Variants in BEGAIN observed in about 807,000 individuals in gnomAD.
The protein encoded by BEGAIN is brain enriched guanylate kinase associated.
In BEGAIN, 19 loss-of-function variants were observed where a neutral mutation model predicts 35.8. The observed-to-expected ratio is 0.53, with a 90% confidence interval of 0.37 to 0.78. The LOEUF (loss-of-function observed/expected upper bound fraction) is 0.78, where lower values mean the gene tolerates loss of function less well. Ranked by LOEUF, BEGAIN falls within the 30% of genes least tolerant of loss-of-function variation. The pLI is 0.00. For missense variants in BEGAIN, 795 were observed against 853.6 expected, an observed-to-expected ratio of 0.93 and a Z score of 0.85; for synonymous variants, 462 against 388.6, an observed-to-expected ratio of 1.19 and a Z score of -2.22.
In BEGAIN at chr14:100,550,848, G is replaced by A. The variant is rs1033406714; in HGVS notation, c.72-4186C>T. On this transcript the variant is annotated intron_variant, in intron 2 of 6. Coordinates refer to ENST00000554140, the MANE Select transcript of BEGAIN (RefSeq NM_001385089.1). ...TGAGCATCCTGTCCCATCACTGGGC[G>A]GGGGGCGCAGCAGCAGCCCCTGAAG... 1.9e-4 allele frequency among the ~76,000 whole-genome samples: 29 copies of A among 152,274 alleles called. 1 individual carries two copies. Among genetic ancestry groups the A allele is most frequent in the Non-Finnish European group, 2.8e-4 (19 of 68,018 alleles).
chr14:100,552,184 A>T (rs1318782926), intron 2 of BEGAIN, among the ~76,000 whole-genome samples: 2 of 152,226 alleles, frequency 1.3e-5, no homozygotes, highest in Non-Finnish European at 2.9e-5. Flanking sequence ...GCTAGGACCC[A>T]GGGGAAACTG....
At chr14:100,562,425 C>T (rs1595136861) in intron 2 of BEGAIN, among the ~76,000 whole-genome samples, 1 of 152,108 alleles carries the variant, frequency 6.6e-6, no homozygotes, top group Admixed American at 6.5e-5. Flanking sequence ...TAAAAGGGGA[C>T]ACCTCAAGCC....
Position 100,567,870 on chromosome 14 carries a change from C to T in BEGAIN, c.71+41G>A. 3 of 1,462,456 alleles carry T rather than the reference C, an allele frequency of 2.1e-6. No homozygotes were observed. Among genetic ancestry groups the T allele is most frequent in the Non-Finnish European group, 2.7e-6 (3 of 1,098,198 alleles). The allele number at this position is 1,462,456 out of a possible 1,614,324, so 90.6% of individuals were successfully genotyped here. A position where few individuals can be genotyped will look rare whatever the true frequency, so the allele number is the denominator to read the frequency against. On this transcript the variant is annotated intron_variant, in intron 2 of 6. Coordinates refer to ENST00000554140, the MANE Select transcript of BEGAIN (RefSeq NM_001385089.1). The surrounding 1 kb of genome is among the most constrained non-coding windows in gnomAD (Gnocchi z 5.1). ...CTTCCCCAGCGCCCTCACCCCCGAC[C>T]CGGCCCCCGCGAGCCGCGGCACGGG...
Position 100,538,020 on chromosome 14 carries a change from G to T in BEGAIN, c.1788C>A (p.Ser596Arg). The change falls in exon 7 of 7, where the codon AGC becomes AGA. Residue 596 changes from serine (S) to arginine (R), a missense_variant. This residue lies in a region of BEGAIN where 664 missense variants were observed against 647.7 expected (regional missense o/e 1.03). Transcript: ENST00000554140. The stretch of plus-strand genomic sequence containing the variant: ...GGGCCTTGGTGAGGCTGTCCTTGCG[G>T]CTCAGCCCCGAGCCACCAGTCCGCG... ...AFPRTGGSGL[S>R]RKDSLTKAQL... 5 of 1,608,226 alleles carry T rather than the reference G, an allele frequency of 3.1e-6. No homozygotes were observed. The highest frequency in any genetic ancestry group is 4.2e-6 in the Non-Finnish European group (5 of 1,178,450).
intron 1 of BEGAIN, among the ~76,000 whole-genome samples, chr14:100,585,562 G>A (rs1485385020): frequency 1.3e-5 from 2 of 151,230 alleles, no homozygotes; most frequent in African/African-American, 2.4e-5. Context: ...CTGATCCAGG[G>A]CCCAGTACAT....
rs1444155960 is a variant in BEGAIN at position 100,558,657 on chromosome 14, C to G, written c.71+9254G>C. Among the ~76,000 whole-genome samples the G allele has an allele frequency of 6.6e-6, 1 of 152,240 alleles. No individual in the cohort carries two copies. Among genetic ancestry groups the G allele is most frequent in the Non-Finnish European group, 1.5e-5 (1 of 68,034 alleles). ...CAAATCCACAGCCTACCCCCACACC[C>G]TGCAGCAAGACAAGTCCTCTCCTGT... On this transcript the variant is annotated intron_variant, in intron 2 of 6. Coordinates refer to ENST00000554140, the MANE Select transcript of BEGAIN (RefSeq NM_001385089.1). The surrounding 1 kb of genome is among the most constrained non-coding windows in gnomAD (Gnocchi z 4.6).
At chr14:100,550,896 C>T (rs1039113110) in intron 2 of BEGAIN, among the ~76,000 whole-genome samples, 1 of 152,206 alleles carries the variant, frequency 6.6e-6, no homozygotes, top group African/African-American at 2.4e-5. Context: ...TGCAGAGCGG[C>T]AGGTCTACCC....
chr14:100,564,650 G>T (rs950829820), intron 2 of BEGAIN, among the ~76,000 whole-genome samples: 4 of 152,202 alleles, frequency 2.6e-5, no homozygotes, highest in African/African-American at 7.2e-5. Flanking sequence ...AAGAGCCAAG[G>T]TGGCCAGGCC....
chr14:100,559,779 G>T (rs2034072601), intron 2 of BEGAIN, among the ~76,000 whole-genome samples: 1 of 152,164 alleles, frequency 6.6e-6, no homozygotes, highest in South Asian at 2.1e-4. Context: ...TCCCTGGCTG[G>T]TCCCACTCCA....
intron 2 of BEGAIN, among the ~76,000 whole-genome samples, chr14:100,561,976 G>A (rs2034295112): frequency 6.6e-6 from 1 of 152,128 alleles, no homozygotes; most frequent in Admixed American, 6.5e-5. Context: ...CAGTGTCTTG[G>A]TTCCTCACCC....
chr14:100,564,144 A>T (rs2034502877), intron 2 of BEGAIN, among the ~76,000 whole-genome samples: 1 of 149,670 alleles, frequency 6.7e-6, no homozygotes, highest in Non-Finnish European at 1.5e-5. Flanking sequence ...GTCTGTGGGG[A>T]AGGGTCTCGG....
intron 2 of BEGAIN, chr14:100,548,662 G>A (rs1026203257): frequency 6.6e-6 from 1 of 152,298 alleles, no homozygotes; most frequent in Non-Finnish European, 1.5e-5. Context: ...ACCTGTCTGA[G>A]ACCTCACAGC....
intron 3 of BEGAIN, chr14:100,545,375 G>C (rs191562741): frequency 1.7e-6 from 2 of 1,207,548 alleles, no homozygotes; most frequent in Non-Finnish European, 2.1e-6. Flanking sequence ...CACACGCGGA[G>C]CCAGTTTACT....
rs1268153138 is a variant in BEGAIN, at chr14:100,586,769, C to T, written c.42+480G>A. On this transcript the variant is annotated intron_variant, in intron 1 of 6. Transcript: ENST00000554140. This position sits in a 1 kb window ranked among gnomAD's most constrained non-coding sequence, Gnocchi z 4.9. Reference sequence around the variant, plus strand: ...CACGCGCTGCAAACGCTCAATGAGGCGGCCCCGGGTCCAGCCTCCTTCCGG... The same window carrying T: ...CACGCGCTGCAAACGCTCAATGAGGTGGCCCCGGGTCCAGCCTCCTTCCGG... Among the ~76,000 whole-genome samples the T allele has an allele frequency of 6.6e-6, 1 of 152,206 alleles. No individual in the cohort carries two copies. Among genetic ancestry groups the T allele is most frequent in the Non-Finnish European group, 1.5e-5 (1 of 68,042 alleles).
intron 6 of BEGAIN, 45 bp from the exon 7 acceptor site, chr14:100,539,360 T>A: frequency 1.3e-6 from 2 of 1,508,004 alleles, no homozygotes; most frequent in Non-Finnish European, 1.8e-6. Flanking sequence ...AGGGTCACTG[T>A]TAGCATGGCA....
intron 1 of BEGAIN, among the ~76,000 whole-genome samples, chr14:100,572,607 CAT>C (rs766447384): frequency 6.6e-6 from 1 of 152,198 alleles, no homozygotes; most frequent in Non-Finnish European, 1.5e-5. Flanking sequence ...ATGAGCCTAA[CAT>C]GTGGAGGGCA....
rs564017774 is a variant in BEGAIN at position 100,576,971 on chromosome 14, A to T, written c.43-9032T>A. Among the ~76,000 whole-genome samples, 3 of 152,300 alleles carry T rather than the reference A, an allele frequency of 2.0e-5. No homozygotes were observed. In the South Asian group the frequency reaches 6.2e-4, roughly 32 times the overall value. The stretch of plus-strand genomic sequence containing the variant: ...GCTATGAAAGCTGCCTGACAGGCCT[A>T]TGGGACAGTCTGCCTCATGTGGGGT... On this transcript the variant is annotated intron_variant, in intron 1 of 6. Coordinates refer to ENST00000554140, the MANE Select transcript of BEGAIN (RefSeq NM_001385089.1).
intron 5 of BEGAIN, among the ~76,000 whole-genome samples, chr14:100,541,619 G>C (rs557437085): frequency 1.3e-5 from 2 of 152,262 alleles, no homozygotes; most frequent in East Asian, 3.9e-4. Flanking sequence ...GACCCCAGTC[G>C]ACCGGCTGCC....
intron 1 of BEGAIN, among the ~76,000 whole-genome samples, chr14:100,575,786 A>C (rs2035188539): frequency 6.6e-6 from 1 of 152,178 alleles, no homozygotes; most frequent in South Asian, 2.1e-4. Flanking sequence ...CACTCTGGCC[A>C]GGCCCCAGGG....
Sources: gnomAD v4.1 joint callset for allele counts (sites outside exome capture counted in the v4.1 genomes callset) on GRCh38, gnomAD v4.1.1 for gene constraint, gnomAD v4.1.1 regional missense constraint, Gnocchi (gnomAD v3.1) non-coding constraint, MANE v1.5 for transcripts, NCBI Gene and HGNC (gene_info 2026-07-23, HGNC 2026-07-21) for gene names.